Variants in MYO1D observed in about 807,000 individuals in gnomAD.
The protein encoded by MYO1D is unconventional myosin-Id.
MYO1D carries 83 observed loss-of-function variants against 122.0 expected under a neutral mutation model. That is an observed-to-expected ratio of 0.68 (90% CI 0.57 to 0.82). MYO1D has a LOEUF of 0.82. MYO1D is among the 40% of genes least tolerant of loss of function. The pLI is 0.00. For synonymous variants in MYO1D, 464 were observed against 446.9 expected (o/e 1.04, Z -0.48); for missense variants, 1,157 against 1,269.5 (o/e 0.91, Z 1.35).
intron 21 of MYO1D, among the ~76,000 whole-genome samples, chr17:32,545,087 T>C (rs1029794107): frequency 3.9e-5 from 6 of 152,140 alleles, no homozygotes; most frequent in African/African-American, 1.2e-4. Flanking sequence ...AGGTCTTTGT[T>C]CCATCTTGCC....
At chr17:32,813,228 T>C (rs1371283155) in intron 1 of MYO1D, among the ~76,000 whole-genome samples, 1 of 152,232 alleles carries the variant, frequency 6.6e-6, no homozygotes, top group Non-Finnish European at 1.5e-5. Context: ...CAAATATTTT[T>C]TGTGCTAAGC....
At chr17:32,644,551 G>A (rs553253998) in intron 19 of MYO1D, among the ~76,000 whole-genome samples, 1 of 152,294 alleles carries the variant, frequency 6.6e-6, no homozygotes, top group South Asian at 2.1e-4. Flanking sequence ...GGGAGTCTAA[G>A]TCTCTTTGTA....
chr17:32,659,402 A>G, intron 16 of MYO1D, 64 bp from the exon 17 acceptor site: 1 of 1,512,144 alleles, frequency 6.6e-7, no homozygotes, highest in South Asian at 1.1e-5. Flanking sequence ...TGGCTTTGAT[A>G]TTATAGCAGC....
intron 1 of MYO1D, among the ~76,000 whole-genome samples, chr17:32,859,598 T>C (rs569024072): frequency 5.3e-5 from 8 of 152,220 alleles, no homozygotes; most frequent in Non-Finnish European, 1.2e-4. Context: ...TCTTCACTTT[T>C]ACCCACTGGC....
intron 21 of MYO1D, among the ~76,000 whole-genome samples, chr17:32,536,438 A>G (rs897883144): frequency 1.3e-5 from 2 of 152,212 alleles, no homozygotes; most frequent in African/African-American, 4.8e-5. Context: ...AGAAGATTCT[A>G]TTGTATCAGG....
chr17:32,568,270 T>C (rs1470960561), intron 21 of MYO1D, among the ~76,000 whole-genome samples: 1 of 150,946 alleles, frequency 6.6e-6, no homozygotes, highest in East Asian at 2.0e-4. Context: ...TCAGAACATC[T>C]ATGCAACTTG....
chr17:32,617,010 A>G (rs949245504), intron 20 of MYO1D, among the ~76,000 whole-genome samples: 1 of 152,106 alleles, frequency 6.6e-6, no homozygotes, highest in African/African-American at 2.4e-5. Flanking sequence ...CAACATGGCC[A>G]TTTCTATTAA....
chr17:32,740,005 A>G (rs912255235), intron 13 of MYO1D, among the ~76,000 whole-genome samples: 4 of 152,208 alleles, frequency 2.6e-5, no homozygotes, highest in African/African-American at 9.6e-5. Context: ...CAGTTTCATT[A>G]CTTTCTAGTC....
At chr17:32,615,167 A>G (rs2087755479) in intron 20 of MYO1D, among the ~76,000 whole-genome samples, 1 of 152,334 alleles carries the variant, frequency 6.6e-6, no homozygotes, top group Admixed American at 6.5e-5. Flanking sequence ...GGGTGCTCCT[A>G]TAACATAATC....
At chr17:32,613,514 G>A (rs886297844) in intron 20 of MYO1D, among the ~76,000 whole-genome samples, 1 of 152,012 alleles carries the variant, frequency 6.6e-6, no homozygotes, top group African/African-American at 2.4e-5. Flanking sequence ...AGTGGCTCAC[G>A]CCTGTAATCC....
chr17:32,494,612 C>A lies in MYO1D; in HGVS notation c.*147G>T. 1.0e-6 allele frequency: 1 copy of A among 979,258 alleles called. No individual in the cohort carries two copies. Among genetic ancestry groups the A allele is most frequent in the African/African-American group, 1.6e-5 (1 of 60,676 alleles). 60.7% of individuals were successfully genotyped at this position (979,258 alleles called of 1,614,324 possible). ...GGAAGATGATACCAAAGGCAGAAAA[C>A]CAGGAAGGAAATCTTACAGGGGCGG... On this transcript the variant is annotated 3_prime_UTR_variant, in exon 22 of 22. Coordinates refer to ENST00000318217, the MANE Select transcript of MYO1D (RefSeq NM_015194.3).
At chr17:32,842,495 T>TTTA (rs2151074899) in intron 1 of MYO1D, among the ~76,000 whole-genome samples, 1 of 152,276 alleles carries the variant, frequency 6.6e-6, no homozygotes, top group Non-Finnish European at 1.5e-5. Context: ...ATGTAGATAC[T>TTTA]TTATACACTT....
Position 32,775,918 on chromosome 17 carries a change from A to G in MYO1D, c.510T>C (p.Phe170=). ...SRFGKYMDIN[F]DFKGDPIGGH... Reference sequence around the variant, plus strand: ...CACCAATAGGGTCACCCTTGAAGTCAAAGTTGATATCCATGTATTTTCCAA... The same window carrying G: ...CACCAATAGGGTCACCCTTGAAGTCGAAGTTGATATCCATGTATTTTCCAA... The change falls in exon 4 of 22, where the codon TTT becomes TTC. Residue 170 remains phenylalanine, a synonymous_variant. Transcript: ENST00000318217. 1 of 1,613,882 alleles carries G rather than the reference A, an allele frequency of 6.2e-7. No homozygotes were observed. Among genetic ancestry groups the G allele is most frequent in the African/African-American group, 1.3e-5 (1 of 75,044 alleles).
intron 16 of MYO1D, among the ~76,000 whole-genome samples, chr17:32,660,660 T>C (rs1008140447): frequency 6.6e-6 from 1 of 151,138 alleles, no homozygotes; most frequent in African/African-American, 2.4e-5. Flanking sequence ...CAATTTGTGA[T>C]GGTAACCTAG....
At chr17:32,876,562 G>GC (rs1282438545) in intron 1 of MYO1D, among the ~76,000 whole-genome samples, 1 of 151,996 alleles carries the variant, frequency 6.6e-6, no homozygotes, top group Admixed American at 6.5e-5. Context: ...AGCTCGACAC[G>GC]CCCCCCGCAC....
chr17:32,646,637 C>A (rs976708976), intron 19 of MYO1D, among the ~76,000 whole-genome samples: 2 of 152,022 alleles, frequency 1.3e-5, no homozygotes, highest in African/African-American at 4.8e-5. Flanking sequence ...TTATATGTTC[C>A]CGAGTTAATC....
chr17:32,756,016 T>C (rs1174772043), intron 10 of MYO1D, among the ~76,000 whole-genome samples: 1 of 152,122 alleles, frequency 6.6e-6, no homozygotes, highest in Non-Finnish European at 1.5e-5. Context: ...AACTGTAAGG[T>C]CCACCTTCCA....
chr17:32,549,128 TG>T lies in MYO1D; in HGVS notation c.2865-54214del, dbSNP rs1246139644. Among the ~76,000 whole-genome samples, 3 of 152,256 alleles carry T rather than the reference TG, an allele frequency of 2.0e-5. No individual in the cohort carries two copies. In the South Asian group the frequency reaches 6.2e-4, roughly 31 times the overall value. On this transcript the variant is annotated intron_variant, in intron 21 of 21. Coordinates refer to ENST00000318217, the MANE Select transcript of MYO1D (RefSeq NM_015194.3). ...GTTTGTTTGAGACAGGGTCTTGTTC[TG>T]TTGTCCAGGCTGGAGTTCAGTGGTG...
At chr17:32,697,687 T>C (rs1014418887) in intron 16 of MYO1D, among the ~76,000 whole-genome samples, 1 of 152,104 alleles carries the variant, frequency 6.6e-6, no homozygotes, top group Admixed American at 6.5e-5. Flanking sequence ...ACTATACACG[T>C]GTCAAGAGCT....
Sources: gnomAD v4.1 joint callset for allele counts (sites outside exome capture counted in the v4.1 genomes callset) on GRCh38, gnomAD v4.1.1 for gene constraint, MANE v1.5 for transcripts, NCBI Gene and HGNC (gene_info 2026-07-23, HGNC 2026-07-21) for gene names.